Variants in ESPN observed in about 807,000 individuals in gnomAD.
ESPN encodes the protein espin, also known as autosomal recessive deafness type 36 protein.
ESPN carries 68 observed loss-of-function variants against 77.7 expected under a neutral mutation model. The ratio of observed to expected loss-of-function variants is 0.87; its 90% CI spans 0.72 to 1.07. The LOEUF is 1.07. Among genes scored for constraint, ESPN ranks in the 50% least tolerant of loss-of-function variants. The probability of loss-of-function intolerance (pLI) is 0.00; values close to 1 mark genes in which losing one functional copy is unlikely to be tolerated. For synonymous variants in ESPN, 449 were observed against 567.1 expected (o/e 0.79, Z 2.96); for missense variants, 1,060 against 1,239.0 (o/e 0.86, Z 2.17).
downstream of ESPN, chr1:6,461,213 G>A (rs1486654496): frequency 2.3e-5 from 17 of 729,180 alleles, no homozygotes; most frequent in Admixed American, 1.8e-4. This position sits in a 1 kb window ranked among gnomAD's most constrained non-coding sequence, Gnocchi z 6.3. Context: ...AACTCCGGCC[G>A]AGAAGTTGAG....
intron 10 of ESPN, among the ~76,000 whole-genome samples, chr1:6,452,996 G>A (rs1411963286): frequency 6.6e-6 from 1 of 152,000 alleles, no homozygotes. Flanking sequence ...GGGTTCAAGC[G>A]ATTCTCCCGC....
At chr1:6,458,349 CTTG>C (rs1209702866) in intron 12 of ESPN, among the ~76,000 whole-genome samples, 2 of 149,170 alleles carry the variant, frequency 1.3e-5, no homozygotes, top group Admixed American at 6.7e-5. Context: ...GAGTTTTGCT[CTTG>C]TTGTCCAGGC....
In ESPN at chr1:6,444,582, G is replaced by A; in HGVS notation, c.1092G>A (p.Gln364=). The part of the protein sequence containing the change: ...MSSPNTTVSV[Q]PLNFDLSSPT... ...CACCCAATACCACGGTGTCGGTCCA[G>A]CCGCTGAACTTTGACCTCAGCTCGC... Residue 364 remains glutamine (Q), a synonymous_variant, in exon 6 of 13, where the codon CAG becomes CAA. Coordinates refer to ENST00000645284, the MANE Select transcript of ESPN (RefSeq NM_031475.3). 1 of 1,614,212 alleles carries A rather than the reference G, an allele frequency of 6.2e-7. No individual in the cohort carries two copies.
Position 6,428,291 on chromosome 1 carries a change from G to T in ESPN, c.360G>T (p.Val120=), listed in dbSNP as rs1643113900. Reference sequence around the variant, plus strand: ...CCCGCTTCGGCCACCCCGAGGTGGTGAACTGGCTCTTGCATCATGGCGGTG... The same window carrying T: ...CCCGCTTCGGCCACCCCGAGGTGGTTAACTGGCTCTTGCATCATGGCGGTG... ...LAARFGHPEV[V]NWLLHHGGGD... The change falls in exon 2 of 13, where the codon GTG becomes GTT. Residue 120 remains valine, a synonymous_variant. Transcript: ENST00000645284. The surrounding 1 kb of genome is among the most constrained non-coding windows in gnomAD (Gnocchi z 5.4). 6.2e-7 allele frequency: 1 copy of T among 1,613,294 alleles called. No individual in the cohort carries two copies. The highest frequency in any genetic ancestry group is 8.5e-7 in the Non-Finnish European group (1 of 1,180,012).
rs113953325 is a variant in ESPN, at chr1:6,442,177, G to A, written c.990+1112G>A. 6.2e-3 allele frequency among the ~76,000 whole-genome samples: 950 copies of A among 152,254 alleles called. 7 individuals are homozygous for A. Among genetic ancestry groups the A allele is most frequent in the African/African-American group, 0.022 (902 of 41,536 alleles). ...GGCCTCTCTGGATGCAGCTGCTAGCGGTCATAGGACAGCAAACACTATTCA... is the reference window on the plus strand; with the variant it reads ...GGCCTCTCTGGATGCAGCTGCTAGCAGTCATAGGACAGCAAACACTATTCA... On this transcript the variant is annotated intron_variant, in intron 5 of 12. Transcript: ENST00000645284.
At chr1:6,440,591 G>GCC in intron 3 of ESPN, 35 bp from the exon 4 acceptor site, 1 of 1,066,458 alleles carries the variant, frequency 9.4e-7, no homozygotes, top group Non-Finnish European at 1.3e-6. Flanking sequence ...CTGGCGCCCA[G>GCC]CCCCCGCCCC....
Position 6,447,740 on chromosome 1 carries a change from G to A in ESPN, c.1465-901G>A, listed in dbSNP as rs115833446. ...TGCAGGAGGGGAAGGGTGGGGACGC[G>A]ACCCGGAGCCGGGGGCCAAATATGA... is the stretch of plus-strand genomic sequence containing the variant. On this transcript the variant is annotated intron_variant, in intron 7 of 12. Transcript: ENST00000645284. The surrounding 1 kb of genome is among the most constrained non-coding windows in gnomAD (Gnocchi z 5.2). Among the ~76,000 whole-genome samples, 32,015 of 152,034 alleles carry A rather than the reference G, an allele frequency of 0.21. 7,498 individuals are homozygous for A. Among genetic ancestry groups the A allele is most frequent in the African/African-American group, 0.58 (24,184 of 41,416 alleles).
chr1:6,451,439 T>C lies in ESPN; in HGVS notation c.1916-164T>C. The C allele has an allele frequency of 1.0e-6, 1 of 999,032 alleles. No homozygotes were observed. Among genetic ancestry groups the C allele is most frequent in the Non-Finnish European group, 1.5e-6 (1 of 658,136 alleles). The allele number at this position is 999,032 out of a possible 1,614,324, so 61.9% of individuals were successfully genotyped here. A position where few individuals can be genotyped will look rare whatever the true frequency, so the allele number is the denominator to read the frequency against. Reference sequence around the variant, plus strand: ...ACCAAGGGCCCGCCTCTGGGGGCCCTGAAACCTGCCTGCAGGACCTGGGAT... The same window carrying C: ...ACCAAGGGCCCGCCTCTGGGGGCCCCGAAACCTGCCTGCAGGACCTGGGAT... On this transcript the variant is annotated intron_variant, in intron 8 of 12. Transcript: ENST00000645284. This position sits in a 1 kb window ranked among gnomAD's most constrained non-coding sequence, Gnocchi z 4.3.
Position 6,460,875 on chromosome 1 carries a change from C to T in ESPN, c.*729C>T, listed in dbSNP as rs963869571. ...ACCCTGTGTCTCCAACTGCTGCACC[C>T]CATCCCGACCCTGTCTCCGCCACCT... On this transcript the variant is annotated 3_prime_UTR_variant, in exon 13 of 13. Coordinates refer to ENST00000645284, the MANE Select transcript of ESPN (RefSeq NM_031475.3). 3.0e-6 allele frequency: 1 copy of T among 327,902 alleles called. No individual in the cohort carries two copies. The highest frequency in any genetic ancestry group is 2.2e-5 in the African/African-American group (1 of 45,362). The allele number at this position is 327,902 out of a possible 1,614,324, so 20.3% of individuals were successfully genotyped here. A position where few individuals can be genotyped will look rare whatever the true frequency, so the allele number is the denominator to read the frequency against.
chr1:6,449,554 T>C (rs1177893077), intron 8 of ESPN, among the ~76,000 whole-genome samples: 9 of 152,088 alleles, frequency 5.9e-5, no homozygotes. Context: ...CCTGAGCCTC[T>C]CTTCCTCTCT....
At chr1:6,461,128 C>G, downstream of ESPN, 1 of 607,170 alleles carries the variant, frequency 1.6e-6, no homozygotes, top group Admixed American at 2.2e-5. The surrounding 1 kb of genome is among the most constrained non-coding windows in gnomAD (Gnocchi z 6.3). Flanking sequence ...ACACCCCAGC[C>G]CCGCAGAAAC....
intron 2 of ESPN, among the ~76,000 whole-genome samples, chr1:6,439,595 C>G (rs1445991675): frequency 6.6e-6 from 1 of 152,146 alleles, no homozygotes; most frequent in Admixed American, 6.5e-5. Context: ...GAAGGACATT[C>G]CAGATGGAGG....
Position 6,428,401 on chromosome 1 carries a change from T to A in ESPN, c.470T>A (p.Leu157His). ...AKGDFPSLRL[L>H]VEHYPEGVNA... ...GGAGACTTCCCCTCCCTGAGGCTTC[T>A]CGTCGAGCACTACCCTGAGTAAGAT... Residue 157 changes from leucine (L) to histidine (H), a missense_variant, in exon 2 of 13, where the codon CTC becomes CAC. Around this residue, in one of 3 missense-constraint regions of ESPN, gnomAD observed 556 missense variants for 633.6 expected, o/e 0.88. Transcript: ENST00000645284. This position sits in a 1 kb window ranked among gnomAD's most constrained non-coding sequence, Gnocchi z 5.4. The A allele has an allele frequency of 6.2e-7, 1 of 1,612,224 alleles. No individual in the cohort carries two copies. The highest frequency in any genetic ancestry group is 1.1e-5 in the South Asian group (1 of 91,052).
At chr1:6,430,254 T>A (rs1293729504) in intron 2 of ESPN, among the ~76,000 whole-genome samples, 1 of 152,056 alleles carries the variant, frequency 6.6e-6, no homozygotes, top group Non-Finnish European at 1.5e-5. Flanking sequence ...AAGGCTCAGC[T>A]CTCTCGCTGG....
chr1:6,431,052 C>T (rs1643227492), intron 2 of ESPN, among the ~76,000 whole-genome samples: 1 of 152,240 alleles, frequency 6.6e-6, no homozygotes, highest in African/African-American at 2.4e-5. Flanking sequence ...GTCCCCCTCA[C>T]ACCTGCTTCT....
chr1:6,459,883 C>A, intron 12 of ESPN, 116 bp from the exon 13 acceptor site: 3 of 1,316,424 alleles, frequency 2.3e-6, no homozygotes, highest in African/African-American at 2.9e-5. Flanking sequence ...CCCTCAGTAA[C>A]CCACCCCTTG....
chr1:6,439,341 C>T (rs1643539376), intron 2 of ESPN, among the ~76,000 whole-genome samples: 3 of 152,176 alleles, frequency 2.0e-5, no homozygotes, highest in South Asian at 2.1e-4. Context: ...AAGCATTATC[C>T]GTTTATCAGA....
rs1380024402 is a variant in ESPN at position 6,440,657 on chromosome 1, A to G, written c.707A>G (p.Gln236Arg). 2 of 1,323,808 alleles carry G rather than the reference A, an allele frequency of 1.5e-6. No homozygotes were observed. Among genetic ancestry groups the G allele is most frequent in the Non-Finnish European group, 2.0e-6 (2 of 1,018,428 alleles). 82.0% of individuals were successfully genotyped at this position (1,323,808 alleles called of 1,614,324 possible). ...VSCTDVSLSEQDKDGATAMHF... is the reference protein window; with the variant it reads ...VSCTDVSLSERDKDGATAMHF... Reference sequence around the variant, plus strand: ...TGCACCGACGTGAGCCTGTCCGAGCAGGACAAAGACGGCGCCACCGCCATG... The same window carrying G: ...TGCACCGACGTGAGCCTGTCCGAGCGGGACAAAGACGGCGCCACCGCCATG... The change falls in exon 4 of 13, where the codon CAG becomes CGG. Residue 236 changes from glutamine (Q) to arginine (R), a missense_variant. Transcript: ENST00000645284.
chr1:6,439,621 G>T (rs976284073), intron 2 of ESPN, among the ~76,000 whole-genome samples: 1 of 152,190 alleles, frequency 6.6e-6, no homozygotes, highest in Non-Finnish European at 1.5e-5. Flanking sequence ...CACAATGAAA[G>T]GGATAGAGGT....
Sources: allele counts gnomAD v4.1 joint callset (sites outside exome capture counted in the v4.1 genomes callset), GRCh38; gene constraint gnomAD v4.1.1; regional missense constraint gnomAD v4.1.1; non-coding constraint Gnocchi (gnomAD v3.1); transcripts MANE v1.5; gene names NCBI Gene and HGNC (gene_info 2026-07-23, HGNC 2026-07-21).